The following EPHA5 variants were observed in gnomAD, a reference collection of about 807,000 sequenced individuals.
EPHA5 encodes ephrin type-A receptor 5.
In EPHA5, 60 loss-of-function variants were observed where a neutral mutation model predicts 105.0. The observed-to-expected ratio is 0.57, with a 90% CI of 0.46 to 0.71. The LOEUF (loss-of-function observed/expected upper bound fraction) is 0.71. EPHA5 is among the 30% of genes least tolerant of loss of function. The pLI, the probability that EPHA5 is intolerant of heterozygous loss-of-function variation, is 0.00. For missense variants in EPHA5, 1,218 were observed against 1,274.7 expected (o/e 0.96, Z 0.68); for synonymous variants, 513 against 449.1 (o/e 1.14, Z -1.80).
At chr4:65,425,796 G>A (rs1724379383) in intron 5 of EPHA5, among the ~76,000 whole-genome samples, 3 of 151,878 alleles carry the variant, frequency 2.0e-5, no homozygotes, top group African/African-American at 4.8e-5. Flanking sequence ...CTTTCTGTGA[G>A]GATTATTTCT....
At chr4:65,345,548 A>G (rs894298590) in intron 14 of EPHA5, among the ~76,000 whole-genome samples, 1 of 152,206 alleles carries the variant, frequency 6.6e-6, no homozygotes, top group African/African-American at 2.4e-5. Flanking sequence ...CTGGAACAGT[A>G]AGAGACTGTC....
chr4:65,509,149 C>T (rs915804765), intron 3 of EPHA5, among the ~76,000 whole-genome samples: 1 of 152,074 alleles, frequency 6.6e-6, no homozygotes, highest in East Asian at 1.9e-4. Context: ...TTAAATTAAA[C>T]AATTTCAGGT....
At chr4:65,475,106 T>A (rs953095331) in intron 5 of EPHA5, among the ~76,000 whole-genome samples, 1 of 152,192 alleles carries the variant, frequency 6.6e-6, no homozygotes, top group Non-Finnish European at 1.5e-5. Context: ...GTAATAGATT[T>A]GATGCTATTA....
chr4:65,564,110 T>C (rs563395162), intron 3 of EPHA5, among the ~76,000 whole-genome samples: 13 of 152,090 alleles, frequency 8.5e-5, no homozygotes, highest in South Asian at 2.1e-4. Flanking sequence ...CTTTGAGGCC[T>C]GATTTTACTT....
chr4:65,576,046 GAAAGAAAGAAAGAAAAGA>G (rs1560720950), intron 3 of EPHA5, among the ~76,000 whole-genome samples: 29 of 56,968 alleles, frequency 5.1e-4, no homozygotes, highest in East Asian at 4.0e-3. Flanking sequence ...AAGAAAGAAA[GAAAGAAAGAAAGAAAAGA>G]AAAGAAAAGA....
intron 3 of EPHA5, among the ~76,000 whole-genome samples, chr4:65,558,111 AG>A (rs1434923826): frequency 2.6e-5 from 4 of 152,102 alleles, no homozygotes; most frequent in Admixed American, 6.6e-5. Context: ...TCCTGACCTC[AG>A]GTGATCTGCC....
At chr4:65,662,289 C>A (rs1410075154) in intron 1 of EPHA5, among the ~76,000 whole-genome samples, 1 of 152,126 alleles carries the variant, frequency 6.6e-6, no homozygotes, top group Non-Finnish European at 1.5e-5. Context: ...GGAACATGTT[C>A]TTGCAAAGCA....
chr4:65,552,042 T>C (rs375074082), intron 3 of EPHA5, among the ~76,000 whole-genome samples: 1 of 152,202 alleles, frequency 6.6e-6, no homozygotes, highest in African/African-American at 2.4e-5. Context: ...CGATTATTTC[T>C]ACCTGTTTCC....
chr4:65,595,150 G>GAA (rs201605652), intron 3 of EPHA5, among the ~76,000 whole-genome samples: 7 of 116,684 alleles, frequency 6.0e-5, no homozygotes, highest in Non-Finnish European at 9.5e-5. Context: ...CACCATTTCA[G>GAA]AAAAAAAAAA....
At chr4:65,376,977 A>G (rs1719075646) in intron 8 of EPHA5, 2 of 1,592,222 alleles carry the variant, frequency 1.3e-6, no homozygotes, top group Admixed American at 1.7e-5. Flanking sequence ...CATAGGAGTG[A>G]AAGTGGGAGG....
chr4:65,667,917 C>T lies in EPHA5; in HGVS notation c.181+1645G>A, dbSNP rs537773109. On this transcript the variant is annotated intron_variant, in intron 1 of 16. Coordinates refer to ENST00000613740, the MANE Select transcript of EPHA5 (RefSeq NM_001281766.3). Reference sequence around the variant, plus strand: ...TGGAATAAGACAGTTAATAAAAGAGCCTCCTCCAAAGCTGTTATAATCCTC... The same window carrying T: ...TGGAATAAGACAGTTAATAAAAGAGTCTCCTCCAAAGCTGTTATAATCCTC... Among the ~76,000 whole-genome samples the T allele has an allele frequency of 2.0e-5, 3 of 152,174 alleles. No homozygotes were observed. In the South Asian group the frequency reaches 6.2e-4, roughly 32 times the overall value.
chr4:65,467,935 C>G (rs1560570636), intron 5 of EPHA5, among the ~76,000 whole-genome samples: 1 of 152,126 alleles, frequency 6.6e-6, no homozygotes, highest in Non-Finnish European at 1.5e-5. Flanking sequence ...AGAGGACCAG[C>G]AGCCAAATGC....
At chr4:65,425,336 C>T (rs1724325890) in intron 5 of EPHA5, among the ~76,000 whole-genome samples, 2 of 152,028 alleles carry the variant, frequency 1.3e-5, no homozygotes, top group African/African-American at 4.8e-5. Flanking sequence ...CAGCTGGAAG[C>T]CCCCACTTCT....
intron 5 of EPHA5, among the ~76,000 whole-genome samples, chr4:65,451,749 A>G (rs1727088097): frequency 6.6e-6 from 1 of 152,114 alleles, no homozygotes; most frequent in East Asian, 1.9e-4. Flanking sequence ...TTGTGGTCAG[A>G]TATTCATATA....
intron 3 of EPHA5, among the ~76,000 whole-genome samples, chr4:65,524,310 C>G (rs1195795113): frequency 6.6e-6 from 1 of 151,738 alleles, no homozygotes; most frequent in Admixed American, 6.6e-5. Flanking sequence ...TCTAACTAGC[C>G]AGAGATGACT....
At chr4:65,640,467 T>C (rs1747562637) in intron 2 of EPHA5, among the ~76,000 whole-genome samples, 1 of 151,932 alleles carries the variant, frequency 6.6e-6, no homozygotes, top group South Asian at 2.1e-4. Context: ...TATGTATTTT[T>C]AGTAGAGACA....
chr4:65,380,555 G>C (rs1011414090), intron 8 of EPHA5, among the ~76,000 whole-genome samples: 3 of 151,656 alleles, frequency 2.0e-5, no homozygotes, highest in Non-Finnish European at 4.4e-5. Flanking sequence ...TCTTAAACAA[G>C]AGATCATAGA....
chr4:65,601,219 C>T (rs551818439), intron 3 of EPHA5, among the ~76,000 whole-genome samples: 36 of 152,060 alleles, frequency 2.4e-4, no homozygotes, highest in Middle Eastern at 3.4e-3. Context: ...TAAAAACATG[C>T]CAAAACTAGT....
At chr4:65,520,733 T>C (rs997259693) in intron 3 of EPHA5, among the ~76,000 whole-genome samples, 1 of 152,030 alleles carries the variant, frequency 6.6e-6, no homozygotes, top group Non-Finnish European at 1.5e-5. Flanking sequence ...CAGACACTTC[T>C]CAAAAGAAGA....
Sources: allele counts gnomAD v4.1 joint callset (sites outside exome capture counted in the v4.1 genomes callset), GRCh38; gene constraint gnomAD v4.1.1; transcripts MANE v1.5; gene names NCBI Gene and HGNC (gene_info 2026-07-23, HGNC 2026-07-21).